BMP5: variants seen among roughly 807,000 people sequenced by gnomAD.
BMP5 encodes the protein bone morphogenetic protein 5.
BMP5 carries 23 observed loss-of-function variants against 46.6 expected under a neutral mutation model. That is an observed-to-expected ratio of 0.49 (90% CI 0.35 to 0.70). BMP5 has a LOEUF of 0.70. BMP5 is among the 30% of genes least tolerant of loss of function. The pLI is 0.00. For missense variants in BMP5, 545 were observed against 565.6 expected (o/e 0.96, Z 0.37); for synonymous variants, 204 against 191.9 (o/e 1.06, Z -0.52).
At chr6:55,791,597 G>C (rs987099118) in intron 3 of BMP5, among the ~76,000 whole-genome samples, 2 of 152,000 alleles carry the variant, frequency 1.3e-5, no homozygotes, top group Admixed American at 6.6e-5. Flanking sequence ...TAGAGAAAGG[G>C]AAAGTCAAAA....
intron 3 of BMP5, among the ~76,000 whole-genome samples, chr6:55,780,472 A>AAAAT (rs1161593935): frequency 8.0e-6 from 1 of 125,584 alleles, no homozygotes; most frequent in Non-Finnish European, 1.7e-5. Flanking sequence ...AAAAAAAAAA[A>AAAAT]AGAAAGAAAG....
rs753841353 is a variant in BMP5, at chr6:55,794,392, G to T, written c.719C>A (p.Ala240Asp). Residue 240 changes from alanine to aspartate, a missense_variant, in exon 3 of 7, where the codon GCC becomes GAC. By Grantham distance (126) the Ala-to-Asp change is moderately radical. Transcript: ENST00000370830. Reference sequence around the variant, plus strand: ...AAGCCAACCCACATCTAAAGCTTGGGCCTTTCTTGTGTCTAACAAGAACAG... The same window carrying T: ...AAGCCAACCCACATCTAAAGCTTGGTCCTTTCTTGTGTCTAACAAGAACAG... ...ADLFLLDTRK[A>D]QALDVGWLVF... The T allele has an allele frequency of 6.8e-6, 11 of 1,613,950 alleles. No homozygotes were observed. The highest frequency in any genetic ancestry group is 8.5e-7 in the Non-Finnish European group (1 of 1,179,896).
At chr6:55,771,806 C>G (rs1775053401) in intron 4 of BMP5, among the ~76,000 whole-genome samples, 2 of 151,810 alleles carry the variant, frequency 1.3e-5, no homozygotes, top group South Asian at 4.2e-4. Flanking sequence ...CCCATCCCAC[C>G]CCTTCTTATC....
chr6:55,777,842 A>T lies in BMP5; in HGVS notation c.833-3599T>A, dbSNP rs1454889517. 7.3e-5 allele frequency among the ~76,000 whole-genome samples: 11 copies of T among 151,358 alleles called. No individual in the cohort carries two copies. In the East Asian group the frequency reaches 2.1e-3, roughly 29 times the overall value. On this transcript the variant is annotated intron_variant, in intron 3 of 6. Coordinates refer to ENST00000370830, the MANE Select transcript of BMP5 (RefSeq NM_021073.4). The stretch of plus-strand genomic sequence containing the variant: ...AATCTAATACATCCCTTTTACCCAA[A>T]GTCTCTAAAATACTGGGAAGACAAG...
Position 55,829,031 on chromosome 6 carries a change from T to C in BMP5, c.491-9184A>G, listed in dbSNP as rs372506750. 5.1e-4 allele frequency among the ~76,000 whole-genome samples: 78 copies of C among 151,962 alleles called. No homozygotes were observed. In the South Asian group the frequency reaches 0.016, roughly 31 times the overall value. On this transcript the variant is annotated intron_variant, in intron 1 of 6. Transcript: ENST00000370830. Reference sequence around the variant, plus strand: ...ATCATATGGAATAATATATAATTAATAGAGACACATTAGTTTTACAGGTTT... The same window carrying C: ...ATCATATGGAATAATATATAATTAACAGAGACACATTAGTTTTACAGGTTT...
At chr6:55,867,818 C>A (rs894199704) in intron 1 of BMP5, among the ~76,000 whole-genome samples, 1 of 152,156 alleles carries the variant, frequency 6.6e-6, no homozygotes, top group East Asian at 1.9e-4. Context: ...TTTAGATAAG[C>A]AACCAGACGC....
chr6:55,816,159 CA>C (rs371366898), intron 2 of BMP5, among the ~76,000 whole-genome samples: 1 of 151,772 alleles, frequency 6.6e-6, no homozygotes, highest in African/African-American at 2.4e-5. Context: ...ATATAACTGA[CA>C]AAAAATAAAC....
At chr6:55,792,786 G>A (rs921340379) in intron 3 of BMP5, among the ~76,000 whole-genome samples, 1 of 152,106 alleles carries the variant, frequency 6.6e-6, no homozygotes, top group Non-Finnish European at 1.5e-5. Context: ...ACTTACCTCT[G>A]TGGTTTATTA....
intron 1 of BMP5, among the ~76,000 whole-genome samples, chr6:55,854,192 CAA>C (rs1777328444): frequency 6.6e-6 from 1 of 151,896 alleles, no homozygotes; most frequent in South Asian, 2.1e-4. Context: ...AAAAAACTTT[CAA>C]AAATAAGATT....
At chr6:55,816,093 GA>G (rs539235260) in intron 2 of BMP5, among the ~76,000 whole-genome samples, 2 of 151,588 alleles carry the variant, frequency 1.3e-5, no homozygotes, top group African/African-American at 2.4e-5. Flanking sequence ...AATCATTCCT[GA>G]AAAAAATGCT....
chr6:55,859,186 T>C (rs767054129), intron 1 of BMP5, among the ~76,000 whole-genome samples: 40 of 152,300 alleles, frequency 2.6e-4, no homozygotes, highest in Non-Finnish European at 1.3e-4. Context: ...AGCAGTGATA[T>C]TGAAACACTG....
rs75248865 is a variant in BMP5, at chr6:55,803,542, T to C, written c.684-9115A>G. On this transcript the variant is annotated intron_variant, in intron 2 of 6. Transcript: ENST00000370830. The stretch of plus-strand genomic sequence containing the variant: ...ATGGAAGCAGCACCCAAGTTTATGA[T>C]TGGATAATTGGTAAAGTGCCAGGCT... 3.3e-3 allele frequency among the ~76,000 whole-genome samples: 496 copies of C among 152,238 alleles called. 3 individuals are homozygous for C. The highest frequency in any genetic ancestry group is 0.016 in the South Asian group (79 of 4,824).
At chr6:55,825,211 C>A (rs1776501270) in intron 1 of BMP5, among the ~76,000 whole-genome samples, 1 of 151,840 alleles carries the variant, frequency 6.6e-6, no homozygotes, top group African/African-American at 2.4e-5. Context: ...AAATCACAAA[C>A]ACAACAATGA....
At chr6:55,846,010 A>T (rs1450305987) in intron 1 of BMP5, among the ~76,000 whole-genome samples, 1 of 151,948 alleles carries the variant, frequency 6.6e-6, no homozygotes, top group Non-Finnish European at 1.5e-5. Context: ...AGAGACTTGG[A>T]ATTTAGCTGG....
Position 55,874,694 on chromosome 6 carries a change from T to G in BMP5, c.172A>C (p.Ile58Leu), listed in dbSNP as rs1371542924. Residue 58 changes from isoleucine to leucine, a missense_variant, in exon 1 of 7, where the codon ATC (isoleucine) becomes CTC (leucine). Ile to Leu is a conservative substitution (Grantham distance 5). Coordinates refer to ENST00000370830, the MANE Select transcript of BMP5 (RefSeq NM_021073.4). ...CTGGGTCTGTGAGGCAAACCCAAGA[T>G]AGAGAGAATTTCCCTTTGTATTTCC... is the stretch of plus-strand genomic sequence containing the variant. ...RREIQREILS[I>L]LGLPHRPRPF... 2 of 1,613,646 alleles carry G rather than the reference T, an allele frequency of 1.2e-6. No individual in the cohort carries two copies. The highest frequency in any genetic ancestry group is 3.3e-5 in the Admixed American group (2 of 59,942).
chr6:55,819,579 A>AC (rs1301403475), intron 2 of BMP5, 76 bp downstream of exon 2: 25 of 1,175,024 alleles, frequency 2.1e-5, no homozygotes, highest in Non-Finnish European at 2.9e-5. Flanking sequence ...TTGATAGATC[A>AC]CATGAGTTAT....
chr6:55,799,283 G>C (rs1415973573), intron 2 of BMP5, among the ~76,000 whole-genome samples: 3 of 152,064 alleles, frequency 2.0e-5, no homozygotes, highest in Non-Finnish European at 4.4e-5. Context: ...TCTCTAAATT[G>C]CTTCATTTTG....
intron 1 of BMP5, among the ~76,000 whole-genome samples, chr6:55,839,775 C>T (rs997089358): frequency 6.6e-6 from 1 of 152,068 alleles, no homozygotes; most frequent in Non-Finnish European, 1.5e-5. Flanking sequence ...ATTTACTTTT[C>T]CCTAGTGAAT....
At chr6:55,854,203 T>C (rs1451030028) in intron 1 of BMP5, among the ~76,000 whole-genome samples, 1 of 152,080 alleles carries the variant, frequency 6.6e-6, no homozygotes, top group East Asian at 1.9e-4. Flanking sequence ...AAAAATAAGA[T>C]TTATATAAAT....
Sources: allele counts gnomAD v4.1 joint callset (sites outside exome capture counted in the v4.1 genomes callset), GRCh38; gene constraint gnomAD v4.1.1; transcripts MANE v1.5; gene names NCBI Gene and HGNC (gene_info 2026-07-23, HGNC 2026-07-21).